Variants in CRPPA observed in about 807,000 individuals in gnomAD.
CRPPA encodes the protein CDP-L-ribitol pyrophosphorylase A.
CRPPA carries 43 observed loss-of-function variants against 52.0 expected under a neutral mutation model. The observed-to-expected ratio is 0.83, with a 90% CI of 0.65 to 1.07. The LOEUF (loss-of-function observed/expected upper bound fraction) is 1.07, where lower values mean the gene tolerates loss of function less well. Ranked by LOEUF, CRPPA falls within the 50% of genes least tolerant of loss-of-function variation. The pLI, the probability that CRPPA is intolerant of heterozygous loss-of-function variation, is 0.00. For synonymous variants in CRPPA, 250 were observed against 203.5 expected (o/e 1.23, Z -1.94); for missense variants, 629 against 551.7 (o/e 1.14, Z -1.40).
intron 9 of CRPPA, among the ~76,000 whole-genome samples, chr7:16,119,220 T>C (rs1268251294): frequency 6.6e-6 from 1 of 152,062 alleles, no homozygotes; most frequent in African/African-American, 2.4e-5. Flanking sequence ...TGTGCACAGA[T>C]GGTAAGACAA....
intron 9 of CRPPA, among the ~76,000 whole-genome samples, chr7:16,199,510 G>T (rs1371467887): frequency 6.6e-6 from 1 of 152,098 alleles, no homozygotes; most frequent in Non-Finnish European, 1.5e-5. Context: ...CTATTTAGAA[G>T]AATTCTAAGT....
At chr7:16,247,053 A>G (rs987381477) in intron 8 of CRPPA, among the ~76,000 whole-genome samples, 2 of 152,258 alleles carry the variant, frequency 1.3e-5, no homozygotes, top group Admixed American at 6.5e-5. Flanking sequence ...GTCATTTAGC[A>G]TTGCTATGTT....
chr7:16,151,155 G>A (rs1783069541), intron 9 of CRPPA, among the ~76,000 whole-genome samples: 1 of 152,176 alleles, frequency 6.6e-6, no homozygotes, highest in Admixed American at 6.5e-5. Context: ...AGACAATGTA[G>A]ATGAGATGGG....
chr7:16,162,973 CTTTT>C (rs377244023), intron 9 of CRPPA, among the ~76,000 whole-genome samples: 2 of 120,828 alleles, frequency 1.7e-5, no homozygotes, highest in African/African-American at 3.0e-5. Flanking sequence ...TTTTCTTTCT[CTTTT>C]TTTTTTTTTT....
At chr7:16,177,499 G>T (rs992207471) in intron 9 of CRPPA, among the ~76,000 whole-genome samples, 5 of 151,986 alleles carry the variant, frequency 3.3e-5, no homozygotes, top group African/African-American at 4.8e-5. Context: ...CACCTGGGGG[G>T]TCATCTCCAT....
At chr7:16,252,629 T>A (rs1783490737) in intron 8 of CRPPA, among the ~76,000 whole-genome samples, 1 of 152,186 alleles carries the variant, frequency 6.6e-6, no homozygotes, top group South Asian at 2.1e-4. Context: ...TAAAATGAGT[T>A]AGAGAGGATT....
chr7:16,097,160 T>C (rs941027876), intron 9 of CRPPA, among the ~76,000 whole-genome samples: 2 of 152,072 alleles, frequency 1.3e-5, no homozygotes, highest in Non-Finnish European at 2.9e-5. Flanking sequence ...AAGGCTTCAG[T>C]AAAAGGCCCC....
chr7:16,302,245 G>A (rs1000786335), intron 4 of CRPPA, among the ~76,000 whole-genome samples: 17 of 132,956 alleles, frequency 1.3e-4, no homozygotes, highest in African/African-American at 4.9e-4. Flanking sequence ...GCAGTGTGCC[G>A]AGATTGCGCC....
chr7:16,219,774 C>T (rs1782447630), intron 8 of CRPPA, among the ~76,000 whole-genome samples: 1 of 131,682 alleles, frequency 7.6e-6, no homozygotes, highest in African/African-American at 2.7e-5. Flanking sequence ...AGACCAATAA[C>T]AGGAGCTGAA....
Position 16,309,984 on chromosome 7 carries a change from T to C in CRPPA, c.685-1357A>G, listed in dbSNP as rs188716526. Reference sequence around the variant, plus strand: ...TAAAAAATCAATAGTGGTGATAAAATGAAATCATAAAACATAGTATATTAA... The same window carrying C: ...TAAAAAATCAATAGTGGTGATAAAACGAAATCATAAAACATAGTATATTAA... On this transcript the variant is annotated intron_variant, in intron 3 of 9. Transcript: ENST00000407010. Among the ~76,000 whole-genome samples the C allele has an allele frequency of 2.5e-3, 381 of 152,028 alleles. 1 individual carries two copies. Among genetic ancestry groups the C allele is most frequent in the Middle Eastern group, 0.01 (3 of 294 alleles).
chr7:16,218,146 T>C (rs1402022024), intron 8 of CRPPA, among the ~76,000 whole-genome samples: 1 of 151,866 alleles, frequency 6.6e-6, no homozygotes, highest in Non-Finnish European at 1.5e-5. Flanking sequence ...TCAACATTCT[T>C]AAAGAAAAGA....
At chr7:16,153,408 T>C (rs118007386) in intron 9 of CRPPA, among the ~76,000 whole-genome samples, 1 of 152,204 alleles carries the variant, frequency 6.6e-6, no homozygotes, top group Non-Finnish European at 1.5e-5. Context: ...GAATATATGA[T>C]AGAGTATCAG....
chr7:16,213,180 G>A (rs777113745), intron 9 of CRPPA, among the ~76,000 whole-genome samples: 5 of 152,162 alleles, frequency 3.3e-5, no homozygotes, highest in Non-Finnish European at 7.3e-5. Context: ...TAAGTTCACT[G>A]CTAGATCATC....
chr7:16,338,813 CTTTT>C (rs59732453), intron 3 of CRPPA, among the ~76,000 whole-genome samples: 5 of 116,488 alleles, frequency 4.3e-5, no homozygotes, highest in Admixed American at 9.0e-5. Context: ...TTCTAGCAAA[CTTTT>C]TTTTTTTTTT....
intron 8 of CRPPA, among the ~76,000 whole-genome samples, chr7:16,242,742 A>T (rs1794542488): frequency 6.6e-6 from 1 of 152,168 alleles, no homozygotes; most frequent in South Asian, 2.1e-4. Context: ...AACTTGTAAA[A>T]TTCCGTTATG....
chr7:16,305,320 C>G (rs1221907084), intron 4 of CRPPA, among the ~76,000 whole-genome samples: 1 of 152,118 alleles, frequency 6.6e-6, no homozygotes, highest in Non-Finnish European at 1.5e-5. Flanking sequence ...AACAAACAAA[C>G]AAAAAACGCT....
In CRPPA at chr7:16,421,206, C is replaced by A; in HGVS notation, c.117G>T (p.Glu39Asp). Residue 39 changes from glutamate to aspartate, a missense_variant, in exon 1 of 10, where the codon GAG becomes GAT. Coordinates refer to ENST00000407010, the MANE Select transcript of CRPPA (RefSeq NM_001101426.4). ...SASLQSVAGT[E>D]PGRHPQAVAA... is the part of the protein sequence containing the mutation. ...CCACGGCTTGCGGGTGGCGCCCGGG[C>A]TCGGTCCCGGCCACGCTCTGCAGGG... is the stretch of plus-strand genomic sequence containing the variant. 1 of 1,346,218 alleles carries A rather than the reference C, an allele frequency of 7.4e-7. No homozygotes were observed. 83.4% of individuals were successfully genotyped at this position (1,346,218 alleles called of 1,614,324 possible).
chr7:16,113,626 G>A (rs1378625248), intron 9 of CRPPA, among the ~76,000 whole-genome samples: 1 of 151,862 alleles, frequency 6.6e-6, no homozygotes, highest in African/African-American at 2.4e-5. Context: ...ATGGTAGCAA[G>A]AACACAAGGA....
At chr7:16,176,367 C>T (rs953957647) in intron 9 of CRPPA, among the ~76,000 whole-genome samples, 2 of 152,050 alleles carry the variant, frequency 1.3e-5, no homozygotes, top group Non-Finnish European at 2.9e-5. Context: ...CTGACACCAA[C>T]CAAAGCGATT....
Sources: gnomAD v4.1 joint callset for allele counts (sites outside exome capture counted in the v4.1 genomes callset) on GRCh38, gnomAD v4.1.1 for gene constraint, MANE v1.5 for transcripts, NCBI Gene and HGNC (gene_info 2026-07-23, HGNC 2026-07-21) for gene names.